The following UACA variants were observed in gnomAD, a reference collection of about 807,000 sequenced individuals.
UACA encodes the protein nuclear membrane binding protein.
Under a neutral mutation model 160.5 loss-of-function variants are expected in UACA, and 112 were observed. That is an observed-to-expected ratio of 0.70 (90% CI 0.60 to 0.82). The LOEUF is 0.82. Among genes scored for constraint, UACA ranks in the 40% least tolerant of loss-of-function variants. The pLI is 0.00. For missense variants in UACA, 1,574 were observed against 1,614.6 expected (o/e 0.97, Z 0.43); for synonymous variants, 557 against 568.4 (o/e 0.98, Z 0.29).
chr15:70,670,858 C>A (rs750556972), intron 15 of UACA, among the ~76,000 whole-genome samples, 181 bp downstream of exon 15: 1 of 151,990 alleles, frequency 6.6e-6, no homozygotes, highest in Non-Finnish European at 1.5e-5. Flanking sequence ...TAGAGGGCAC[C>A]AGAAACAGCA....
intron 1 of UACA, among the ~76,000 whole-genome samples, chr15:70,713,411 G>T (rs921602482): frequency 6.6e-5 from 10 of 152,148 alleles, no homozygotes; most frequent in African/African-American, 1.7e-4. Flanking sequence ...AAAGGCTGTT[G>T]TAAGAATGTG....
At chr15:70,694,143 GA>G (rs914593639) in intron 3 of UACA, among the ~76,000 whole-genome samples, 1 of 152,054 alleles carries the variant, frequency 6.6e-6, no homozygotes, top group Non-Finnish European at 1.5e-5. Context: ...GTATTTAATA[GA>G]AAAACAAAGT....
intron 16 of UACA, among the ~76,000 whole-genome samples, chr15:70,665,228 T>C (rs937901481): frequency 5.9e-5 from 9 of 152,168 alleles, no homozygotes; most frequent in African/African-American, 1.9e-4. Flanking sequence ...GATTAACATA[T>C]GTTCCTTTTT....
chr15:70,709,136 T>C (rs879046269), intron 1 of UACA, among the ~76,000 whole-genome samples: 1 of 152,216 alleles, frequency 6.6e-6, no homozygotes, highest in Admixed American at 6.5e-5. Flanking sequence ...CACAGTCATA[T>C]ACTTACAAGG....
intron 1 of UACA, among the ~76,000 whole-genome samples, chr15:70,730,034 G>C (rs1899275318): frequency 3.4e-5 from 2 of 59,458 alleles, no homozygotes; most frequent in African/African-American, 1.9e-4. Flanking sequence ...AAACCACAAA[G>C]ATGGGGAAAA....
At chr15:70,752,194 C>T (rs940608723) in intron 1 of UACA, among the ~76,000 whole-genome samples, 20 of 145,918 alleles carry the variant, frequency 1.4e-4, no homozygotes, top group South Asian at 4.3e-4. Flanking sequence ...GCCAAGATCA[C>T]GCCATTGCAC....
At chr15:70,685,953 T>A (rs1365389932) in intron 7 of UACA, among the ~76,000 whole-genome samples, 2 of 152,104 alleles carry the variant, frequency 1.3e-5, no homozygotes, top group African/African-American at 4.8e-5. Flanking sequence ...TTTTGTATTT[T>A]TGGTAGAGAT....
intron 1 of UACA, among the ~76,000 whole-genome samples, chr15:70,712,810 C>G (rs1329308449): frequency 6.6e-6 from 1 of 152,186 alleles, no homozygotes; most frequent in African/African-American, 2.4e-5. Context: ...TTCCATTTCT[C>G]TAATCATCTG....
chr15:70,751,307 C>A (rs1216035849), intron 1 of UACA, among the ~76,000 whole-genome samples: 1 of 152,136 alleles, frequency 6.6e-6, no homozygotes, highest in Non-Finnish European at 1.5e-5. Flanking sequence ...CCACTTATCT[C>A]CCTCAGGAAA....
At chr15:70,701,256 T>A (rs947108824) in intron 1 of UACA, among the ~76,000 whole-genome samples, 2 of 152,172 alleles carry the variant, frequency 1.3e-5, no homozygotes, top group African/African-American at 2.4e-5. Flanking sequence ...TAACCCTACC[T>A]ATGGGCTCCA....
chr15:70,658,457 C>A (rs1009233058), intron 18 of UACA, among the ~76,000 whole-genome samples: 3 of 152,226 alleles, frequency 2.0e-5, no homozygotes, highest in African/African-American at 7.2e-5. Flanking sequence ...AGTGAAAATG[C>A]CCATTTCCCA....
At chr15:70,741,988 G>A (rs1899552884) in intron 1 of UACA, among the ~76,000 whole-genome samples, 1 of 152,210 alleles carries the variant, frequency 6.6e-6, no homozygotes, top group African/African-American at 2.4e-5. Flanking sequence ...GATCATAAGT[G>A]TAGTTCCTTC....
intron 17 of UACA, among the ~76,000 whole-genome samples, chr15:70,664,126 G>A (rs1181810758): frequency 6.6e-6 from 1 of 152,168 alleles, no homozygotes; most frequent in Non-Finnish European, 1.5e-5. Context: ...GTAAGTGGCA[G>A]GACTTAGACC....
At chr15:70,745,028 T>TA (rs1410216177) in intron 1 of UACA, among the ~76,000 whole-genome samples, 1 of 152,190 alleles carries the variant, frequency 6.6e-6, no homozygotes, top group African/African-American at 2.4e-5. Flanking sequence ...TACTCTATAA[T>TA]AAAAATTTAC....
upstream of UACA, among the ~76,000 whole-genome samples, chr15:70,767,014 G>A (rs552688507): frequency 2.0e-4 from 30 of 151,400 alleles, no homozygotes; most frequent in Non-Finnish European, 2.1e-4. Context: ...GCCGAGGCGG[G>A]TGGATCACGG....
intron 1 of UACA, among the ~76,000 whole-genome samples, chr15:70,721,888 A>G (rs1283845003): frequency 6.6e-6 from 1 of 152,222 alleles, no homozygotes; most frequent in African/African-American, 2.4e-5. Flanking sequence ...ATTATCTGGT[A>G]AACATTCAAT....
chr15:70,658,719 T>A (rs537667069), intron 18 of UACA, among the ~76,000 whole-genome samples: 1 of 152,220 alleles, frequency 6.6e-6, no homozygotes, highest in South Asian at 2.1e-4. Context: ...ACACACATTT[T>A]TTTTTTCCTG....
chr15:70,758,107 CTAAT>C (rs1282775725), intron 1 of UACA, among the ~76,000 whole-genome samples: 1 of 152,114 alleles, frequency 6.6e-6, no homozygotes, highest in Non-Finnish European at 1.5e-5. Context: ...TATTAAAAAA[CTAAT>C]TAAAATCCTT....
At chr15:70,722,856 A>G (rs930138967) in intron 1 of UACA, among the ~76,000 whole-genome samples, 1 of 152,042 alleles carries the variant, frequency 6.6e-6, no homozygotes, top group African/African-American at 2.4e-5. Flanking sequence ...TTTTTCTTCA[A>G]TTCAGTTTGA....
Sources: allele counts gnomAD v4.1 joint callset (sites outside exome capture counted in the v4.1 genomes callset), GRCh38; gene constraint gnomAD v4.1.1; transcripts MANE v1.5; gene names NCBI Gene and HGNC (gene_info 2026-07-23, HGNC 2026-07-21).